The following CUBN variants were observed in gnomAD, a reference collection of about 807,000 sequenced individuals.
The protein encoded by CUBN is 460 kDa receptor.
Under a neutral mutation model 405.3 loss-of-function variants are expected in CUBN, and 282 were observed. The ratio of observed to expected loss-of-function variants is 0.70; its 90% confidence interval spans 0.63 to 0.77. The LOEUF (loss-of-function observed/expected upper bound fraction) is 0.77. Ranked by LOEUF, CUBN falls within the 30% of genes least tolerant of loss-of-function variation. CUBN has a pLI of 0.00. For synonymous variants in CUBN, 1,684 were observed against 1,617.0 expected (o/e 1.04, Z -0.99); for missense variants, 4,514 against 4,475.2 (o/e 1.01, Z -0.25).
Position 17,122,969 on chromosome 10 carries a change from T to TA in CUBN, c.490-72dup. 3 of 1,032,378 alleles carry TA rather than the reference T, an allele frequency of 2.9e-6. No homozygotes were observed. The South Asian group carries it at 3.8e-5, about 13-fold the overall frequency. 64.0% of individuals were successfully genotyped at this position (1,032,378 alleles called of 1,614,324 possible). A position where few individuals can be genotyped will look rare whatever the true frequency, so the allele number is the denominator to read the frequency against. On this transcript the variant is annotated intron_variant, in intron 5 of 66. Transcript: ENST00000377833. ...GTATCTGGAGCGAACATTCACATGA[T>TA]ACGTTTAAGGATTTATACGTGGACA...
chr10:16,919,401 T>G (rs977481112), intron 44 of CUBN, among the ~76,000 whole-genome samples: 5 of 152,254 alleles, frequency 3.3e-5, no homozygotes, highest in Non-Finnish European at 7.3e-5. Context: ...TATACATACT[T>G]TTGTTCAAGG....
chr10:16,994,259 G>A (rs1352839212), intron 28 of CUBN, among the ~76,000 whole-genome samples: 2 of 152,024 alleles, frequency 1.3e-5, no homozygotes, highest in African/African-American at 4.8e-5. Context: ...TAGAAGCCAA[G>A]CATATTTAAT....
chr10:17,097,420 C>A (rs1836399325), intron 14 of CUBN, among the ~76,000 whole-genome samples: 1 of 152,036 alleles, frequency 6.6e-6, no homozygotes, highest in Non-Finnish European at 1.5e-5. Context: ...AGCCTTCTCA[C>A]AAGGAAGCCT....
chr10:16,824,897 G>T lies in CUBN; in HGVS notation c.*78C>A. ...CTTATTCTCTGTGGCATCAGCAGGG[G>T]TCATGTATCAGGATGGCAGAGTGCT... On this transcript the variant is annotated 3_prime_UTR_variant, in exon 67 of 67. Coordinates refer to ENST00000377833, the MANE Select transcript of CUBN (RefSeq NM_001081.4). The T allele has an allele frequency of 2.1e-6, 2 of 951,808 alleles. No individual in the cohort carries two copies. Among genetic ancestry groups the T allele is most frequent in the Non-Finnish European group, 3.4e-6 (2 of 584,978 alleles). 59.0% of individuals were successfully genotyped at this position (951,808 alleles called of 1,614,324 possible). A position where few individuals can be genotyped will look rare whatever the true frequency, so the allele number is the denominator to read the frequency against.
At chr10:16,826,490 T>C (rs1838787711) in intron 66 of CUBN, among the ~76,000 whole-genome samples, 1 of 152,232 alleles carries the variant, frequency 6.6e-6, no homozygotes, top group African/African-American at 2.4e-5. Flanking sequence ...GAGCTACCTC[T>C]GTACTTCATG....
chr10:16,901,591 C>T lies in CUBN; in HGVS notation c.8063-132G>A, dbSNP rs949648812. 48 of 1,213,682 alleles carry T rather than the reference C, an allele frequency of 4.0e-5. No homozygotes were observed. The Admixed American group carries it at 5.2e-4, about 13-fold the overall frequency. 75.2% of individuals were successfully genotyped at this position (1,213,682 alleles called of 1,614,324 possible). A position where few individuals can be genotyped will look rare whatever the true frequency, so the allele number is the denominator to read the frequency against. ...TAGTAAGGCCAGGCATGGTGGCTCA[C>T]GCCAGTAATACCAGCACTTTGGGAG... On this transcript the variant is annotated intron_variant, in intron 51 of 66. Coordinates refer to ENST00000377833, the MANE Select transcript of CUBN (RefSeq NM_001081.4).
At chr10:17,077,917 C>G (rs1048515073) in intron 17 of CUBN, among the ~76,000 whole-genome samples, 20 of 152,058 alleles carry the variant, frequency 1.3e-4, no homozygotes, top group Non-Finnish European at 2.5e-4. Flanking sequence ...GTGAAAGTGT[C>G]CCTTCTAACA....
rs567041262 is a variant in CUBN, at chr10:17,015,818, C to T, written c.4168+4015G>A. Reference sequence around the variant, plus strand: ...CACTGGACAATCTTTTTTAAAGTGTCCTTGTAAACCACACTGATAACAAGC... The same window carrying T: ...CACTGGACAATCTTTTTTAAAGTGTTCTTGTAAACCACACTGATAACAAGC... On this transcript the variant is annotated intron_variant, in intron 28 of 66. Transcript: ENST00000377833. 2.0e-5 allele frequency among the ~76,000 whole-genome samples: 3 copies of T among 152,250 alleles called. No individual in the cohort carries two copies. The South Asian group carries it at 6.2e-4, about 32-fold the overall frequency.
At position 16,925,788 on chromosome 10, in the gene CUBN, A is replaced by C; in HGVS notation, c.6272-14T>G. 1.2e-6 allele frequency: 2 copies of C among 1,613,140 alleles called. No homozygotes were observed. The highest frequency in any genetic ancestry group is 1.7e-6 in the Non-Finnish European group (2 of 1,179,216). ...ATCCACCGCAGCCTTCCCACAAAGA[A>C]ACAAAGGTCGGTTATTTAAATAGCA... On this transcript the variant is annotated splice_polypyrimidine_tract_variant and intron_variant, in intron 41 of 66. Coordinates refer to ENST00000377833, the MANE Select transcript of CUBN (RefSeq NM_001081.4).
At chr10:16,947,843 G>C (rs1842827782) in intron 35 of CUBN, among the ~76,000 whole-genome samples, 1 of 152,142 alleles carries the variant, frequency 6.6e-6, no homozygotes, top group East Asian at 1.9e-4. Flanking sequence ...GGGCTAAGAG[G>C]CTAAGAAACC....
At position 16,939,020 on chromosome 10, in the gene CUBN, A is replaced by T. The variant is rs1306626973; in HGVS notation, c.5676T>A (p.Gly1892=). Reference sequence around the variant, plus strand: ...CTTCTATGTCCATCTCCAAGATTCTACCATGGACAACGTGAGATGCATTCA... The same window carrying T: ...CTTCTATGTCCATCTCCAAGATTCTTCCATGGACAACGTGAGATGCATTCA... ...VNVNASHVVH[G]RILEMDIEEI... is the part of the protein sequence containing the mutation. The change falls in exon 38 of 67, where the codon GGT becomes GGA. Residue 1892 remains glycine (G), a synonymous_variant. Coordinates refer to ENST00000377833, the MANE Select transcript of CUBN (RefSeq NM_001081.4). 3 of 1,613,926 alleles carry T rather than the reference A, an allele frequency of 1.9e-6. No homozygotes were observed. Among genetic ancestry groups the T allele is most frequent in the Non-Finnish European group, 2.5e-6 (3 of 1,179,836 alleles).
intron 59 of CUBN, among the ~76,000 whole-genome samples, chr10:16,858,939 C>T (rs1213307491): frequency 3.3e-5 from 5 of 152,162 alleles, no homozygotes. Context: ...AAACTGACTT[C>T]CACCTAAATC....
At chr10:16,891,950 G>T (rs184242626) in intron 54 of CUBN, among the ~76,000 whole-genome samples, 2 of 152,264 alleles carry the variant, frequency 1.3e-5, no homozygotes, top group Non-Finnish European at 2.9e-5. Context: ...GGATGTAGTT[G>T]GATGTGTATT....
In CUBN at chr10:16,971,295, C is replaced by T. The variant is rs1037162968; in HGVS notation, c.4695+11189G>A. Among the ~76,000 whole-genome samples the T allele has an allele frequency of 8.5e-5, 13 of 152,302 alleles. No homozygotes were observed. The South Asian group carries it at 1.9e-3, about 22-fold the overall frequency. ...ATGTTGGACTTTGGGGTACGTTTCC[C>T]GTCCAGTGTCCATCTGGCTGTAAAG... On this transcript the variant is annotated intron_variant, in intron 31 of 66. Transcript: ENST00000377833.
chr10:16,825,361 G>A (rs566226530), intron 66 of CUBN, among the ~76,000 whole-genome samples: 77 of 152,212 alleles, frequency 5.1e-4, no homozygotes, highest in African/African-American at 1.8e-3. Flanking sequence ...TGGCTGTGCT[G>A]ATAATGGCCG....
intron 36 of CUBN, 77 bp from the exon 37 acceptor site, chr10:16,940,314 G>T: frequency 7.7e-7 from 1 of 1,307,150 alleles, no homozygotes; most frequent in South Asian, 1.2e-5. Context: ...TCACATGCTA[G>T]GTTAACCCGT....
chr10:16,927,563 A>G (rs1237554745), intron 41 of CUBN, among the ~76,000 whole-genome samples: 1 of 152,060 alleles, frequency 6.6e-6, no homozygotes, highest in Non-Finnish European at 1.5e-5. Context: ...AGAGTCTTTC[A>G]CTCTTCCTTG....
chr10:17,081,308 C>T (rs533673306), intron 17 of CUBN, among the ~76,000 whole-genome samples: 2 of 152,264 alleles, frequency 1.3e-5, no homozygotes, highest in Admixed American at 6.5e-5. Context: ...CACCTATTCA[C>T]ATGCAAAGTA....
At chr10:16,909,735 T>C (rs997016796) in intron 48 of CUBN, among the ~76,000 whole-genome samples, 3 of 152,230 alleles carry the variant, frequency 2.0e-5, no homozygotes, top group Non-Finnish European at 4.4e-5. Context: ...GCAATTCCCA[T>C]CATTGTCCTC....
Sources: gnomAD v4.1 joint callset for allele counts (sites outside exome capture counted in the v4.1 genomes callset) on GRCh38, gnomAD v4.1.1 for gene constraint, MANE v1.5 for transcripts, NCBI Gene and HGNC (gene_info 2026-07-23, HGNC 2026-07-21) for gene names.